SEC31A: variants seen among roughly 807,000 people sequenced by gnomAD.
SEC31A encodes protein transport protein Sec31A.
SEC31A carries 70 observed loss-of-function variants against 151.0 expected under a neutral mutation model. The observed-to-expected ratio is 0.46, with a 90% confidence interval of 0.38 to 0.57. The LOEUF (loss-of-function observed/expected upper bound fraction) is 0.57, where lower values mean the gene tolerates loss of function less well. SEC31A is among the 20% of genes least tolerant of loss of function. SEC31A has a pLI of 0.00. For missense variants in SEC31A, 1,330 were observed against 1,471.2 expected (o/e 0.90, Z 1.57); for synonymous variants, 475 against 505.9 (o/e 0.94, Z 0.82).
At chr4:82,859,631 T>G (rs757702624) in intron 14 of SEC31A, among the ~76,000 whole-genome samples, 7 of 152,058 alleles carry the variant, frequency 4.6e-5, no homozygotes, top group Non-Finnish European at 7.4e-5. Context: ...ATGTTGACTA[T>G]TACAGGAGAA....
At chr4:82,884,345 C>A (rs1046197412) in intron 1 of SEC31A, among the ~76,000 whole-genome samples, 13 of 148,002 alleles carry the variant, frequency 8.8e-5, no homozygotes, top group Admixed American at 4.7e-4. Context: ...TTGCTTTTTT[C>A]AAAAAAAAAA....
chr4:82,867,243 A>G lies in SEC31A; in HGVS notation c.956T>C (p.Leu319Ser). 1 of 1,614,102 alleles carries G rather than the reference A, an allele frequency of 6.2e-7. No homozygotes were observed. The highest frequency in any genetic ancestry group is 8.5e-7 in the Non-Finnish European group (1 of 1,179,930). Residue 319 changes from leucine to serine, a missense_variant, in exon 9 of 27, where the codon TTA (leucine) becomes TCA (serine). Leu to Ser is a moderately radical substitution (Grantham distance 145). Coordinates refer to ENST00000395310, the MANE Select transcript of SEC31A (RefSeq NM_001077207.4). ...IQWCPRNPAV[L>S]SAASFDGRIS... is the part of the protein sequence containing the mutation. ...ACGCCCATCAAACGAAGCAGCTGAT[A>G]AGACAGCAGGATTTCGGGGACACCA...
chr4:82,899,198 G>A (rs180729656), intron 3 of SEC31A, among the ~76,000 whole-genome samples: 163 of 152,286 alleles, frequency 1.1e-3, no homozygotes, highest in Non-Finnish European at 2.0e-3. Flanking sequence ...GCTGAGCGGG[G>A]TGGGGGAATA....
intron 10 of SEC31A, among the ~76,000 whole-genome samples, 164 bp from the exon 11 acceptor site, chr4:82,864,762 CTTTTTTGG>C (rs1560637382): frequency 1.3e-5 from 2 of 151,648 alleles, no homozygotes; most frequent in South Asian, 2.1e-4. Context: ...ATGAAATGTA[CTTTTTTGG>C]TTTTTTGGTT....
intron 3 of SEC31A, among the ~76,000 whole-genome samples, chr4:82,880,176 T>A (rs1578371778): frequency 7.0e-6 from 1 of 142,124 alleles, no homozygotes. Context: ...AGAGTGAAAC[T>A]CCATCTCAAA....
chr4:82,864,979 GGCCA>G (rs1734999353), intron 10 of SEC31A, among the ~76,000 whole-genome samples: 1 of 152,036 alleles, frequency 6.6e-6, no homozygotes, highest in South Asian at 2.1e-4. Flanking sequence ...TCACCATGTT[GGCCA>G]GGCTGGTCTT....
At chr4:82,859,250 G>C (rs1733513768) in intron 14 of SEC31A, among the ~76,000 whole-genome samples, 1 of 151,974 alleles carries the variant, frequency 6.6e-6, no homozygotes, top group African/African-American at 2.4e-5. Flanking sequence ...TGGAACAGTG[G>C]GTTAGTCTGG....
chr4:82,820,998 A>T (rs1723185720), intron 26 of SEC31A, 39 bp downstream of exon 26: 1 of 1,543,218 alleles, frequency 6.5e-7, no homozygotes, highest in African/African-American at 1.4e-5. Context: ...GCAACTAGGA[A>T]TAAATGATTA....
chr4:82,841,987 A>C (rs78281941), intron 22 of SEC31A, among the ~76,000 whole-genome samples, 153 bp downstream of exon 22: 1 of 151,758 alleles, frequency 6.6e-6, no homozygotes, highest in Non-Finnish European at 1.5e-5. Flanking sequence ...AAAAAACCAA[A>C]CAAACAAAAA....
chr4:82,871,785 G>C (rs1736731508), intron 7 of SEC31A, 159 bp downstream of exon 7: 2 of 832,916 alleles, frequency 2.4e-6, no homozygotes, highest in African/African-American at 3.5e-5. Context: ...GTTGCAGTGA[G>C]CCAAGATCTT....
chr4:82,841,220 T>C (rs1728645849), intron 22 of SEC31A, among the ~76,000 whole-genome samples: 1 of 150,736 alleles, frequency 6.6e-6, no homozygotes, highest in African/African-American at 2.4e-5. Context: ...GGTCAGGAGT[T>C]TGAAACCAGC....
intron 2 of SEC31A, among the ~76,000 whole-genome samples, chr4:82,881,126 A>T (rs1299677731): frequency 6.6e-6 from 1 of 152,178 alleles, no homozygotes; most frequent in East Asian, 1.9e-4. Context: ...GGTAGTGTAA[A>T]TAATTTTTTA....
chr4:82,821,010 C>A (rs192746270), intron 26 of SEC31A, 27 bp downstream of exon 26: 27 of 1,580,552 alleles, frequency 1.7e-5, no homozygotes, highest in Non-Finnish European at 2.0e-5. Context: ...AAATGATTAT[C>A]ATAAATCCTT....
intron 7 of SEC31A, chr4:82,871,508 GC>G: frequency 1.0e-6 from 1 of 990,602 alleles, no homozygotes; most frequent in Non-Finnish European, 1.5e-6. Flanking sequence ...TCCTACGGTG[GC>G]CCATGCCTGT....
rs936790052 is a variant in SEC31A, at chr4:82,866,109, G to C, written c.1197+699C>G. Among the ~76,000 whole-genome samples the C allele has an allele frequency of 4.0e-4, 60 of 151,840 alleles. 1 individual carries two copies. Among genetic ancestry groups the C allele is most frequent in the African/African-American group, 1.5e-3 (60 of 41,320 alleles). On this transcript the variant is annotated intron_variant, in intron 10 of 26. Transcript: ENST00000395310. ...AAGAAAAGAAAAGAAAAAGAAGGGA[G>C]GGAGGGAGGGAAAGAGAGACAGAGG...
At chr4:82,841,350 G>T (rs576116691) in intron 22 of SEC31A, among the ~76,000 whole-genome samples, 35 of 149,862 alleles carry the variant, frequency 2.3e-4, no homozygotes, top group African/African-American at 8.5e-4. Context: ...TTGAACCCGG[G>T]AGACGGAGGT....
intron 1 of SEC31A, among the ~76,000 whole-genome samples, chr4:82,889,172 T>C (rs1213001296): frequency 1.3e-5 from 2 of 152,232 alleles, no homozygotes. Context: ...ATTGGTGTCA[T>C]ACTAATCTTC....
chr4:82,883,828 CAA>C (rs941226879), intron 1 of SEC31A, among the ~76,000 whole-genome samples: 5 of 124,110 alleles, frequency 4.0e-5, no homozygotes, highest in Non-Finnish European at 6.9e-5. Context: ...GACCATGACT[CAA>C]AAAAAAAAAA....
At chr4:82,869,624 T>C (rs10026515) in intron 8 of SEC31A, among the ~76,000 whole-genome samples, 151,746 of 152,186 alleles carry the variant, frequency 1, 75,653 homozygotes, top group Middle Eastern at 1. Context: ...TTTTGTTATC[T>C]GTCCTACAAA....
Sources: gnomAD v4.1 joint callset for allele counts (sites outside exome capture counted in the v4.1 genomes callset) on GRCh38, gnomAD v4.1.1 for gene constraint, MANE v1.5 for transcripts, NCBI Gene and HGNC (gene_info 2026-07-23, HGNC 2026-07-21) for gene names.